CNTN4: variants seen among roughly 807,000 people sequenced by gnomAD.
The protein encoded by CNTN4 is contactin 4, also known as contactin-4.
Under a neutral mutation model 122.5 loss-of-function variants are expected in CNTN4, and 77 were observed. The ratio of observed to expected loss-of-function variants is 0.63; its 90% CI spans 0.52 to 0.76. CNTN4 has a LOEUF of 0.76. Ranked by LOEUF, CNTN4 falls within the 30% of genes least tolerant of loss-of-function variation. The probability of loss-of-function intolerance (pLI) is 0.00; values close to 1 mark genes in which losing one functional copy is unlikely to be tolerated. For missense variants in CNTN4, 1,256 were observed against 1,259.1 expected (o/e 1.00, Z 0.04); for synonymous variants, 512 against 447.0 (o/e 1.15, Z -1.83).
intron 5 of CNTN4, among the ~76,000 whole-genome samples, chr3:2,736,814 A>T (rs1222163216): frequency 3.3e-5 from 5 of 149,874 alleles, no homozygotes; most frequent in African/African-American, 1.2e-4. Flanking sequence ...TTATTTAGAG[A>T]CGGAGTCTCG....
intron 4 of CNTN4, among the ~76,000 whole-genome samples, chr3:2,629,007 G>A (rs192735906): frequency 1.7e-3 from 261 of 152,230 alleles, no homozygotes; most frequent in African/African-American, 5.6e-3. Context: ...ATTTAATTTG[G>A]TCAATTGTCC....
chr3:2,335,731 AT>A (rs200238144), intron 2 of CNTN4, among the ~76,000 whole-genome samples: 97 of 152,236 alleles, frequency 6.4e-4, no homozygotes, highest in African/African-American at 2.1e-3. Context: ...GCAACTGAAC[AT>A]TTTCCCAGTG....
chr3:2,778,406 C>A, intron 6 of CNTN4, among the ~76,000 whole-genome samples: 1 of 145,508 alleles, frequency 6.9e-6, no homozygotes, highest in Non-Finnish European at 1.5e-5. Context: ...AAAACATGAG[C>A]CACTCATGAT....
intron 2 of CNTN4, among the ~76,000 whole-genome samples, chr3:2,225,195 T>G (rs558645753): frequency 6.7e-6 from 1 of 150,346 alleles, no homozygotes; most frequent in South Asian, 2.1e-4. Context: ...GAATTTAGCT[T>G]AGTAATGCTC....
At chr3:2,599,551 C>G (rs569212042) in intron 4 of CNTN4, among the ~76,000 whole-genome samples, 133 of 152,146 alleles carry the variant, frequency 8.7e-4, no homozygotes, top group Non-Finnish European at 1.6e-3. Context: ...TTATTGTACA[C>G]AGTCAGAAGA....
intron 13 of CNTN4, among the ~76,000 whole-genome samples, chr3:2,949,707 T>G (rs1375348837): frequency 6.6e-6 from 1 of 152,206 alleles, no homozygotes; most frequent in East Asian, 1.9e-4. Context: ...GCCCTATTTG[T>G]TCTGCTTTTT....
At chr3:2,176,296 A>G (rs2036745378) in intron 2 of CNTN4, among the ~76,000 whole-genome samples, 1 of 152,202 alleles carries the variant, frequency 6.6e-6, no homozygotes, top group Non-Finnish European at 1.5e-5. Context: ...ATAGCAGAAT[A>G]TAAATAAAGG....
chr3:2,486,225 G>A (rs577857099), intron 3 of CNTN4, among the ~76,000 whole-genome samples: 6 of 152,144 alleles, frequency 3.9e-5, no homozygotes, highest in African/African-American at 9.6e-5. Flanking sequence ...GAAGAAACTC[G>A]GAACACAGCT....
At chr3:2,664,179 C>T (rs952839126) in intron 4 of CNTN4, among the ~76,000 whole-genome samples, 3 of 152,110 alleles carry the variant, frequency 2.0e-5, no homozygotes, top group African/African-American at 7.2e-5. Context: ...TGAACTATAT[C>T]TCAAAGCTAT....
chr3:2,805,932 C>G (rs560177869), intron 6 of CNTN4, among the ~76,000 whole-genome samples: 1 of 152,064 alleles, frequency 6.6e-6, no homozygotes, highest in African/African-American at 2.4e-5. Context: ...GACAGAGTCT[C>G]GCTCTGTCGC....
chr3:2,747,420 AAAAAT>A (rs2089851349), intron 6 of CNTN4, among the ~76,000 whole-genome samples: 3 of 5,514 alleles, frequency 5.4e-4, no homozygotes, highest in Non-Finnish European at 2.6e-3. Flanking sequence ...AAAAAAAAAT[AAAAAT>A]AAAAATAAAA....
At chr3:2,331,163 T>C (rs926512089) in intron 2 of CNTN4, among the ~76,000 whole-genome samples, 3 of 152,232 alleles carry the variant, frequency 2.0e-5, no homozygotes, top group African/African-American at 7.2e-5. Flanking sequence ...TAGCCAAATC[T>C]GATAATTTTC....
At chr3:2,274,678 G>C (rs1477239038) in intron 2 of CNTN4, among the ~76,000 whole-genome samples, 1 of 152,150 alleles carries the variant, frequency 6.6e-6, no homozygotes, top group East Asian at 1.9e-4. Context: ...GGTTTCAAAA[G>C]ATATCCCTGG....
chr3:2,106,116 G>C (rs1056714505), intron 2 of CNTN4, among the ~76,000 whole-genome samples: 25 of 152,228 alleles, frequency 1.6e-4, no homozygotes, highest in African/African-American at 5.8e-4. Flanking sequence ...GTCTGGGGCA[G>C]TTCTGCCCCT....
intron 6 of CNTN4, among the ~76,000 whole-genome samples, chr3:2,747,232 A>C (rs940375370): frequency 2.6e-5 from 4 of 151,880 alleles, no homozygotes; most frequent in African/African-American, 7.3e-5. Flanking sequence ...ACACGATGAA[A>C]CCGCGTCTCT....
intron 8 of CNTN4, among the ~76,000 whole-genome samples, chr3:2,880,604 G>C (rs1238992795): frequency 1.3e-5 from 2 of 152,218 alleles, no homozygotes; most frequent in African/African-American, 4.8e-5. Flanking sequence ...CCCAGACTCA[G>C]GGGCAAGAGA....
chr3:2,307,265 C>T (rs879877970), intron 2 of CNTN4, among the ~76,000 whole-genome samples: 1 of 152,090 alleles, frequency 6.6e-6, no homozygotes, highest in Admixed American at 6.5e-5. Flanking sequence ...GAAACCCCGT[C>T]TCTACTAAAA....
At chr3:2,853,459 G>A (rs1451625781) in intron 7 of CNTN4, among the ~76,000 whole-genome samples, 1 of 152,114 alleles carries the variant, frequency 6.6e-6, no homozygotes, top group Non-Finnish European at 1.5e-5. Context: ...TGGCCAGGCT[G>A]GTCTTGAACT....
chr3:2,565,756 G>A (rs1210241365), intron 3 of CNTN4, among the ~76,000 whole-genome samples: 7 of 152,082 alleles, frequency 4.6e-5, no homozygotes, highest in Admixed American at 4.6e-4. Flanking sequence ...TGCTTTCTGA[G>A]GAAGCCTATT....
Sources: allele counts gnomAD v4.1 joint callset (sites outside exome capture counted in the v4.1 genomes callset), GRCh38; gene constraint gnomAD v4.1.1; transcripts MANE v1.5; gene names NCBI Gene and HGNC (gene_info 2026-07-23, HGNC 2026-07-21).